Variants in MEIKIN observed in about 807,000 individuals in gnomAD.
The protein encoded by MEIKIN is meiosis-specific kinetochore protein.
intron 8 of MEIKIN, among the ~76,000 whole-genome samples, chr5:131,894,660 A>C (rs1304719546): frequency 3.9e-5 from 6 of 152,134 alleles, no homozygotes; most frequent in Admixed American, 1.3e-4. Flanking sequence ...TCTTTGTAGC[A>C]ATTGTGAATG....
chr5:131,871,072 G>C (rs992121378), intron 9 of MEIKIN, among the ~76,000 whole-genome samples: 1 of 152,236 alleles, frequency 6.6e-6, no homozygotes. Context: ...CCCAGCATGA[G>C]CGACGCAGAA....
intron 11 of MEIKIN, among the ~76,000 whole-genome samples, chr5:131,844,694 T>C (rs1749978419): frequency 6.6e-6 from 1 of 152,122 alleles, no homozygotes; most frequent in Non-Finnish European, 1.5e-5. Flanking sequence ...TTAGCAGAAA[T>C]AGTGCTAATG....
At chr5:131,910,876 C>A (rs1454296556) in intron 8 of MEIKIN, among the ~76,000 whole-genome samples, 1 of 152,078 alleles carries the variant, frequency 6.6e-6, no homozygotes, top group Non-Finnish European at 1.5e-5. Flanking sequence ...TGCCCTACCA[C>A]CAAGCTTTGT....
intron 8 of MEIKIN, among the ~76,000 whole-genome samples, chr5:131,884,853 C>A (rs1750751617): frequency 6.6e-6 from 1 of 152,242 alleles, no homozygotes; most frequent in Non-Finnish European, 1.5e-5. Flanking sequence ...GACTGAAGAG[C>A]CCTTGGGCCT....
At chr5:131,841,101 A>AT (rs1269678788) in intron 11 of MEIKIN, among the ~76,000 whole-genome samples, 1 of 151,160 alleles carries the variant, frequency 6.6e-6, no homozygotes, top group Non-Finnish European at 1.5e-5. Context: ...TTTCTGGGAG[A>AT]TTTTAGGGGG....
intron 11 of MEIKIN, among the ~76,000 whole-genome samples, chr5:131,830,837 A>G (rs536500822): frequency 7.4e-4 from 112 of 152,336 alleles, no homozygotes; most frequent in South Asian, 6.2e-3. Context: ...AATGAAGCCA[A>G]TCAAAGATAG....
rs896165738 is a variant in MEIKIN, at chr5:131,818,734, C to A, written c.1099+6G>T. On this transcript the variant is annotated splice_donor_region_variant and intron_variant, in intron 12 of 12. Coordinates refer to ENST00000442687, the MANE Select transcript of MEIKIN (RefSeq NM_001303622.2). ...AAAAGTATGCTCTGCATTCATACTACAGTACCTTGAGGGGTATCCTTAGGA... is the reference window on the plus strand; with the variant it reads ...AAAAGTATGCTCTGCATTCATACTAAAGTACCTTGAGGGGTATCCTTAGGA... The A allele has an allele frequency of 7.5e-6, 3 of 397,648 alleles. No homozygotes were observed. The highest frequency in any genetic ancestry group is 4.1e-5 in the African/African-American group (2 of 48,588). 24.6% of individuals were successfully genotyped at this position (397,648 alleles called of 1,614,324 possible).
Position 131,879,026 on chromosome 5 carries a change from T to A in MEIKIN, c.726A>T (p.Leu242Phe), listed in dbSNP as rs749573935. ...TTGAAGGGCAAGTTTTCTCAGCAAG[T>A]AAAATCTCACAAGCTGCATTATCTA... Reference protein sequence around the residue: ...SESDNAACEILLAEKTCPSTP... With the variant: ...SESDNAACEIFLAEKTCPSTP... The change falls in exon 9 of 13, where the codon TTA becomes TTT. Residue 242 changes from leucine (L) to phenylalanine (F), a missense_variant. Leu to Phe is a conservative substitution (Grantham distance 22). Coordinates refer to ENST00000442687, the MANE Select transcript of MEIKIN (RefSeq NM_001303622.2). The A allele has an allele frequency of 3.5e-5, 14 of 398,576 alleles. No homozygotes were observed. Among genetic ancestry groups the A allele is most frequent in the Non-Finnish European group, 5.8e-5 (13 of 225,888 alleles). 24.7% of individuals were successfully genotyped at this position (398,576 alleles called of 1,614,324 possible).
chr5:131,852,049 G>A (rs1051567984), intron 10 of MEIKIN, among the ~76,000 whole-genome samples: 20 of 152,190 alleles, frequency 1.3e-4, no homozygotes, highest in African/African-American at 2.9e-4. Context: ...AAATAAATGC[G>A]CATAAACTGA....
At chr5:131,905,399 G>C (rs552958082) in intron 8 of MEIKIN, among the ~76,000 whole-genome samples, 1 of 151,686 alleles carries the variant, frequency 6.6e-6, no homozygotes, top group South Asian at 2.1e-4. Flanking sequence ...AGAAAAACAA[G>C]AGCAAATCAA....
At chr5:131,917,036 T>C in intron 6 of MEIKIN, 111 bp from the exon 7 acceptor site, 1 of 380,660 alleles carries the variant, frequency 2.6e-6, no homozygotes, top group Non-Finnish European at 4.6e-6. Context: ...TTTTTAAATA[T>C]TGTTTTTATG....
intron 4 of MEIKIN, among the ~76,000 whole-genome samples, chr5:131,938,651 A>C (rs532739118): frequency 8.4e-4 from 128 of 152,228 alleles, no homozygotes; most frequent in African/African-American, 3.0e-3. Flanking sequence ...TTTATTTTTT[A>C]ACAAATTTTT....
At chr5:131,909,545 C>A (rs970064256) in intron 8 of MEIKIN, among the ~76,000 whole-genome samples, 14 of 152,134 alleles carry the variant, frequency 9.2e-5, no homozygotes, top group Admixed American at 8.5e-4. Context: ...ACACAGGCAA[C>A]CAAAGCAAAA....
chr5:131,836,772 T>C (rs1180732123), intron 11 of MEIKIN, among the ~76,000 whole-genome samples: 1 of 152,090 alleles, frequency 6.6e-6, no homozygotes, highest in Non-Finnish European at 1.5e-5. Context: ...CTGTTTCAGT[T>C]CGTTATAGAT....
At chr5:131,935,462 T>C (rs928970166) in intron 4 of MEIKIN, among the ~76,000 whole-genome samples, 3 of 152,102 alleles carry the variant, frequency 2.0e-5, no homozygotes, top group African/African-American at 7.2e-5. Flanking sequence ...TAAATGATGG[T>C]GACAGAACAT....
At chr5:131,830,154 C>G (rs1374092359) in intron 11 of MEIKIN, among the ~76,000 whole-genome samples, 2 of 152,154 alleles carry the variant, frequency 1.3e-5, no homozygotes, top group Non-Finnish European at 2.9e-5. Context: ...CTTTGAGAGG[C>G]TGAGGTGAGC....
At chr5:131,844,697 T>C (rs1358151319) in intron 11 of MEIKIN, among the ~76,000 whole-genome samples, 1 of 152,172 alleles carries the variant, frequency 6.6e-6, no homozygotes, top group Non-Finnish European at 1.5e-5. Context: ...GCAGAAATAG[T>C]GCTAATGCTT....
intron 9 of MEIKIN, among the ~76,000 whole-genome samples, chr5:131,863,853 C>T (rs750914830): frequency 6.6e-6 from 1 of 152,042 alleles, no homozygotes; most frequent in Non-Finnish European, 1.5e-5. Context: ...TGAAAGTTTG[C>T]CTGCACAAGC....
rs141801451 is a variant in MEIKIN at position 131,908,980 on chromosome 5, T to C, written c.703+2835A>G. ...GTTCATGGACTGAAAGAATCAATAT[T>C]GTAAATATGGCCACACTACCCAAAG... On this transcript the variant is annotated intron_variant, in intron 8 of 12. Transcript: ENST00000442687. Among the ~76,000 whole-genome samples, 51 of 152,266 alleles carry C rather than the reference T, an allele frequency of 3.3e-4. No individual in the cohort carries two copies. The East Asian group carries it at 8.5e-3, about 25-fold the overall frequency.
Sources: allele counts gnomAD v4.1 joint callset (sites outside exome capture counted in the v4.1 genomes callset), GRCh38; gene constraint gnomAD v4.1.1; transcripts MANE v1.5; gene names NCBI Gene and HGNC (gene_info 2026-07-23, HGNC 2026-07-21).